The following ATP2C1 variants were observed in gnomAD, a reference collection of about 807,000 sequenced individuals.
ATP2C1 encodes the protein calcium-transporting ATPase type 2C member 1.
Under a neutral mutation model 120.5 loss-of-function variants are expected in ATP2C1, and 31 were observed. The observed-to-expected ratio is 0.26, with a 90% CI of 0.19 to 0.35. The LOEUF (loss-of-function observed/expected upper bound fraction) is 0.35, where lower values mean the gene tolerates loss of function less well. ATP2C1 is among the 10% of genes least tolerant of loss of function. The pLI is 1.00. For synonymous variants in ATP2C1, 351 were observed against 358.7 expected (o/e 0.98, Z 0.24); for missense variants, 731 against 1,107.5 (o/e 0.66, Z 4.83).
downstream of ATP2C1, among the ~76,000 whole-genome samples, chr3:131,006,854 G>T (rs2063137840): frequency 6.6e-6 from 1 of 151,872 alleles, no homozygotes; most frequent in Non-Finnish European, 1.5e-5. Flanking sequence ...TTTTGGTAGA[G>T]ATTAGGTTTT....
At chr3:130,898,247 G>A (rs1263647401) in intron 2 of ATP2C1, among the ~76,000 whole-genome samples, 2 of 152,178 alleles carry the variant, frequency 1.3e-5, no homozygotes, top group East Asian at 3.8e-4. Flanking sequence ...GCTAATAGGT[G>A]TAGAGAACAA....
intron 2 of ATP2C1, among the ~76,000 whole-genome samples, chr3:130,909,363 A>G (rs1162766442): frequency 6.6e-6 from 1 of 152,176 alleles, no homozygotes; most frequent in Admixed American, 6.5e-5. Flanking sequence ...TTTAGGGAGA[A>G]TGTCATGTTT....
chr3:130,900,148 T>C (rs966581424), intron 2 of ATP2C1, among the ~76,000 whole-genome samples: 6 of 152,016 alleles, frequency 3.9e-5, no homozygotes, highest in African/African-American at 7.3e-5. Flanking sequence ...CCAAAGCCCC[T>C]AACTCCTGGA....
intron 3 of ATP2C1, 97 bp downstream of exon 3, chr3:130,930,623 A>G (rs2059411488): frequency 1.3e-5 from 11 of 829,232 alleles, no homozygotes; most frequent in Non-Finnish European, 1.7e-5. Context: ...CTTCAGTGAT[A>G]GAAATATTCT....
intron 1 of ATP2C1, among the ~76,000 whole-genome samples, chr3:130,885,712 A>G (rs1187621522): frequency 1.3e-5 from 2 of 151,498 alleles, no homozygotes; most frequent in Admixed American, 1.3e-4. Flanking sequence ...AGTTGTCGTT[A>G]TCATTTTTGG....
chr3:130,922,410 C>T (rs2059010682), intron 2 of ATP2C1, among the ~76,000 whole-genome samples: 2 of 151,546 alleles, frequency 1.3e-5, no homozygotes, highest in African/African-American at 4.8e-5. Flanking sequence ...TTTAAAGAAC[C>T]AGCTTTTTGT....
chr3:130,961,408 C>T (rs983816490), intron 12 of ATP2C1, among the ~76,000 whole-genome samples: 2 of 151,908 alleles, frequency 1.3e-5, no homozygotes, highest in Non-Finnish European at 2.9e-5. Flanking sequence ...CCATTGGAAT[C>T]TTTTATAAGT....
In ATP2C1 at chr3:130,971,890, C is replaced by G. The variant is rs138700387; in HGVS notation, c.1413+2494C>G. Among the ~76,000 whole-genome samples, 8 of 152,282 alleles carry G rather than the reference C, an allele frequency of 5.3e-5. No homozygotes were observed. The East Asian group carries it at 1.5e-3, about 29-fold the overall frequency. On this transcript the variant is annotated intron_variant, in intron 17 of 27. Coordinates refer to ENST00000510168, the MANE Select transcript of ATP2C1 (RefSeq NM_001378687.1). Reference sequence around the variant, plus strand: ...TGTCCTGAAGGATAAAGCCCTAGTTCTTAACACCATTTGTCTCTTGGAATA... The same window carrying G: ...TGTCCTGAAGGATAAAGCCCTAGTTGTTAACACCATTTGTCTCTTGGAATA...
At chr3:130,870,676 C>T (rs1378306272) in intron 1 of ATP2C1, among the ~76,000 whole-genome samples, 1 of 152,134 alleles carries the variant, frequency 6.6e-6, no homozygotes, top group Non-Finnish European at 1.5e-5. Flanking sequence ...ATTGCTTCCT[C>T]ATAAGAAAAC....
At chr3:131,004,272 G>A (rs138357203), downstream of ATP2C1, among the ~76,000 whole-genome samples, 5 of 152,326 alleles carry the variant, frequency 3.3e-5, no homozygotes, top group South Asian at 2.1e-4. Flanking sequence ...AACAGCAGCT[G>A]ATTTGCATAC....
intron 2 of ATP2C1, among the ~76,000 whole-genome samples, chr3:130,902,297 GTTTTTTTTTTTT>G (rs398052267): frequency 4.5e-4 from 6 of 13,254 alleles, no homozygotes; most frequent in South Asian, 3.4e-3. Context: ...TTTTTTTTTT[GTTTTTTTTTTTT>G]TTTTTTTTTT....
intron 2 of ATP2C1, among the ~76,000 whole-genome samples, chr3:130,929,657 G>A (rs1270016312): frequency 6.6e-6 from 1 of 152,096 alleles, no homozygotes; most frequent in Non-Finnish European, 1.5e-5. Flanking sequence ...AAAGCATTTT[G>A]TCTGTAAAGA....
At position 131,002,344 on chromosome 3, in the gene ATP2C1, G is replaced by A. The variant is rs1185242448; in HGVS notation, c.*994G>A. 9 of 985,080 alleles carry A rather than the reference G, an allele frequency of 9.1e-6. No individual in the cohort carries two copies. Among genetic ancestry groups the A allele is most frequent in the Non-Finnish European group, 1.1e-5 (9 of 829,816 alleles). The allele number at this position is 985,080 out of a possible 1,614,324, so 61.0% of individuals were successfully genotyped here. A position where few individuals can be genotyped will look rare whatever the true frequency, so the allele number is the denominator to read the frequency against. On this transcript the variant is annotated 3_prime_UTR_variant, in exon 28 of 28. Transcript: ENST00000510168. ...TAGGCTACTGGACTTAGAATAAAAA[G>A]TCCCCAAACCCAAACAAATGGTTTA...
chr3:130,971,133 G>A (rs1382308353), intron 17 of ATP2C1, among the ~76,000 whole-genome samples: 1 of 152,156 alleles, frequency 6.6e-6, no homozygotes, highest in African/African-American at 2.4e-5. Context: ...ATATGCATAT[G>A]ACTTTTTTTG....
chr3:131,004,050 A>G (rs2063006543), downstream of ATP2C1, among the ~76,000 whole-genome samples: 1 of 152,168 alleles, frequency 6.6e-6, no homozygotes, highest in African/African-American at 2.4e-5. Flanking sequence ...CGATAATGGC[A>G]TCCCTGCCCT....
At chr3:130,859,069 G>C (rs1445868181) in intron 1 of ATP2C1, among the ~76,000 whole-genome samples, 1 of 152,200 alleles carries the variant, frequency 6.6e-6, no homozygotes, top group Non-Finnish European at 1.5e-5. Context: ...TAAAAGAGAA[G>C]ACTGAATGAC....
At chr3:130,981,318 G>T (rs2061753326) in intron 20 of ATP2C1, among the ~76,000 whole-genome samples, 1 of 152,084 alleles carries the variant, frequency 6.6e-6, no homozygotes, top group Non-Finnish European at 1.5e-5. Context: ...TTTTGAATCT[G>T]CTTCTTTCAC....
intron 1 of ATP2C1, among the ~76,000 whole-genome samples, chr3:130,851,681 A>C (rs895875861): frequency 6.6e-6 from 1 of 152,252 alleles, no homozygotes; most frequent in Admixed American, 6.5e-5. Flanking sequence ...TTGTTAGAAG[A>C]AGTAGCAATA....
At chr3:130,899,696 T>C (rs539995252) in intron 2 of ATP2C1, 1 of 152,262 alleles carries the variant, frequency 6.6e-6, no homozygotes, top group African/African-American at 2.4e-5. Context: ...TTAAATTAGG[T>C]TGGTTTAGAC....
Sources: allele counts gnomAD v4.1 joint callset (sites outside exome capture counted in the v4.1 genomes callset), GRCh38; gene constraint gnomAD v4.1.1; transcripts MANE v1.5; gene names NCBI Gene and HGNC (gene_info 2026-07-23, HGNC 2026-07-21).